The following DCTN1 variants were observed in gnomAD, a reference collection of about 807,000 sequenced individuals.
DCTN1 encodes the protein 150 kDa dynein-associated polypeptide.
DCTN1 carries 61 observed loss-of-function variants against 161.2 expected under a neutral mutation model. The observed-to-expected ratio is 0.38, with a 90% confidence interval of 0.31 to 0.47. DCTN1 has a LOEUF of 0.47. Among genes scored for constraint, DCTN1 ranks in the 20% least tolerant of loss-of-function variants. The pLI is 0.99. For synonymous variants in DCTN1, 653 were observed against 632.4 expected (o/e 1.03, Z -0.49); for missense variants, 1,404 against 1,623.7 (o/e 0.86, Z 2.33).
chr2:74,390,461 A>G, intron 1 of DCTN1: 1 of 228,784 alleles, frequency 4.4e-6, no homozygotes, highest in South Asian at 5.5e-5. Context: ...CCAAGCTGCA[A>G]AATTTGCCAA....
rs1553464021 is a variant in DCTN1, at chr2:74,365,659, T to C, written c.2887-2A>G. 6.2e-7 allele frequency: 1 copy of C among 1,614,112 alleles called. No individual in the cohort carries two copies. The highest frequency in any genetic ancestry group is 8.5e-7 in the Non-Finnish European group (1 of 1,180,024). On this transcript the variant is annotated splice_acceptor_variant, in intron 24 of 31. Transcript: ENST00000628224. LOFTEE classifies it high-confidence loss of function. ...ATTGGCCTCACTTAGCTCCTCTCCC[T>C]GGACAAGGACAGAACTTCTAGATCC...
intron 6 of DCTN1, chr2:74,373,352 C>G (rs1186501534): frequency 3.1e-6 from 1 of 319,684 alleles, no homozygotes; most frequent in African/African-American, 2.1e-5. Context: ...GCCACCACTC[C>G]CAAGGACTTT....
At chr2:74,391,865 G>GGCCCGCCCT (rs1676027123) in exon 1 of DCTN1, 1 of 452,642 alleles carries the variant, frequency 2.2e-6, no homozygotes. Flanking sequence ...TGCGGGGCCG[G>GGCCCGCCCT]CCCCGCCCTC....
intron 5 of DCTN1, 118 bp downstream of exon 5, chr2:74,376,624 T>C (rs1210253251): frequency 1.3e-5 from 13 of 993,432 alleles, no homozygotes; most frequent in Admixed American, 2.0e-5. Context: ...CCATTTCCTC[T>C]GGCCATCCCA....
At chr2:74,387,897 T>A (rs760943433) in intron 1 of DCTN1, among the ~76,000 whole-genome samples, 1 of 152,192 alleles carries the variant, frequency 6.6e-6, no homozygotes, top group African/African-American at 2.4e-5. Context: ...ATTAACAACC[T>A]GGCCTTGACC....
chr2:74,380,562 C>T (rs917651503), upstream of DCTN1: 2 of 471,810 alleles, frequency 4.2e-6, no homozygotes, highest in East Asian at 1.4e-4. Flanking sequence ...TCAAGTGACA[C>T]TTCAAAGCGA....
chr2:74,368,396 C>T (rs576025448), intron 16 of DCTN1: 41 of 605,924 alleles, frequency 6.8e-5, no homozygotes, highest in African/African-American at 5.9e-4. Flanking sequence ...AAAGCTGCCA[C>T]TCCTGCTATC....
chr2:74,380,356 G>A (rs994194933), upstream of DCTN1: 4 of 526,342 alleles, frequency 7.6e-6, no homozygotes, highest in African/African-American at 7.7e-5. Context: ...GCTAGCCTCT[G>A]GGTCCTAGTG....
upstream of DCTN1, among the ~76,000 whole-genome samples, chr2:74,381,251 A>G (rs1675496731): frequency 6.6e-6 from 1 of 152,188 alleles, no homozygotes; most frequent in Non-Finnish European, 1.5e-5. Flanking sequence ...ACAGCCAACA[A>G]GGTTGGCCTG....
chr2:74,382,685 T>C (rs190826608), upstream of DCTN1, among the ~76,000 whole-genome samples: 23 of 151,122 alleles, frequency 1.5e-4, no homozygotes, highest in East Asian at 2.0e-3. Context: ...GGTATATACA[T>C]CTACACAATA....
rs750715354 is a variant in DCTN1 at position 74,363,597 on chromosome 2, CCA to C, written c.3211+15_3211+16del. The C allele has an allele frequency of 6.2e-7, 1 of 1,613,332 alleles. No homozygotes were observed. Among genetic ancestry groups the C allele is most frequent in the East Asian group, 2.2e-5 (1 of 44,872 alleles). ...CTCCCACCAGCCTGGTAACCCCCGG[CCA>C]GAGTGGGTCTCTACCTCGCTGCTGT... is the stretch of plus-strand genomic sequence containing the variant. On this transcript the variant is annotated intron_variant, in intron 27 of 31. Transcript: ENST00000628224.
intron 5 of DCTN1, 150 bp from the exon 6 acceptor site, chr2:74,374,490 T>A: frequency 6.6e-7 from 1 of 1,508,254 alleles, no homozygotes; most frequent in Admixed American, 2.0e-5. Flanking sequence ...AGGAGATTAG[T>A]GCATCAAATC....
chr2:74,373,934 A>C (rs1273371325), intron 6 of DCTN1, among the ~76,000 whole-genome samples: 1 of 152,236 alleles, frequency 6.6e-6, no homozygotes, highest in East Asian at 1.9e-4. Flanking sequence ...CTGGGAGAAC[A>C]ACCAAGAGGT....
intron 1 of DCTN1, among the ~76,000 whole-genome samples, chr2:74,379,455 G>T (rs1487042759): frequency 6.6e-6 from 1 of 152,118 alleles, no homozygotes. Context: ...GTAGTTCCCA[G>T]AGGCTCCAGG....
intron 28 of DCTN1, 39 bp downstream of exon 28, chr2:74,363,255 C>G (rs1188058441): frequency 1.2e-6 from 2 of 1,614,060 alleles, no homozygotes; most frequent in Non-Finnish European, 8.5e-7. Flanking sequence ...GGCAAATATG[C>G]TCCATCTCCC....
chr2:74,380,279 G>A lies in DCTN1; in HGVS notation c.-242C>T. ...GAGGATTCCTGAACCCAGAGACACAGAATCCTGCTTGCCAGCTGATGAGTC... is the reference window on the plus strand; with the variant it reads ...GAGGATTCCTGAACCCAGAGACACAAAATCCTGCTTGCCAGCTGATGAGTC... On this transcript the variant is annotated 5_prime_UTR_variant, in exon 1 of 32. Transcript: ENST00000628224. 2 of 615,260 alleles carry A rather than the reference G, an allele frequency of 3.3e-6. No homozygotes were observed. Among genetic ancestry groups the A allele is most frequent in the Non-Finnish European group, 3.0e-6 (1 of 336,962 alleles). The allele number at this position is 615,260 out of a possible 1,614,324, so 38.1% of individuals were successfully genotyped here. A position where few individuals can be genotyped will look rare whatever the true frequency, so the allele number is the denominator to read the frequency against.
intron 26 of DCTN1, chr2:74,364,062 T>C (rs1674221697): frequency 4.7e-6 from 1 of 214,590 alleles, no homozygotes; most frequent in Admixed American, 5.1e-5. Flanking sequence ...TCCTAAGGAT[T>C]CCCCATTGCT....
intron 1 of DCTN1, chr2:74,391,712 G>C (rs1475325836): frequency 2.3e-6 from 1 of 432,426 alleles, no homozygotes; most frequent in East Asian, 7.3e-5. Context: ...CACCGGGCTC[G>C]GTCCCCAGCC....
At position 74,389,437 on chromosome 2, in the gene DCTN1, A is replaced by C. The variant is rs189933865; in HGVS notation, c.-19+2357T>G. On this transcript the variant is annotated intron_variant, in intron 1 of 27. Transcript: ENST00000409240. ...GCCAAGCAACCTGGGAATCATCTATAATCCCTTTCAACCTATAACTCCAAG... is the reference window on the plus strand; with the variant it reads ...GCCAAGCAACCTGGGAATCATCTATCATCCCTTTCAACCTATAACTCCAAG... 6.2e-4 allele frequency among the ~76,000 whole-genome samples: 94 copies of C among 152,230 alleles called. 1 individual carries two copies. Among genetic ancestry groups the C allele is most frequent in the Middle Eastern group, 6.8e-3 (2 of 294 alleles).
Sources: allele counts gnomAD v4.1 joint callset (sites outside exome capture counted in the v4.1 genomes callset), GRCh38; gene constraint gnomAD v4.1.1; transcripts MANE v1.5; gene names NCBI Gene and HGNC (gene_info 2026-07-23, HGNC 2026-07-21).